Variants in PDZD2 observed in about 807,000 individuals in gnomAD.
PDZD2 encodes the protein PDZ domain containing 2.
Under a neutral mutation model 220.7 loss-of-function variants are expected in PDZD2, and 90 were observed. The ratio of observed to expected loss-of-function variants is 0.41; its 90% CI spans 0.34 to 0.49. The LOEUF is 0.49. Among genes scored for constraint, PDZD2 ranks in the 20% least tolerant of loss-of-function variants. The pLI is 0.28. For synonymous variants in PDZD2, 1,375 were observed against 1,450.5 expected, an observed-to-expected ratio of 0.95 and a Z score of 1.18; for missense variants, 3,174 against 3,608.5, an observed-to-expected ratio of 0.88 and a Z score of 3.08.
intron 2 of PDZD2, among the ~76,000 whole-genome samples, chr5:31,911,894 G>T (rs559283064): frequency 6.6e-6 from 1 of 152,292 alleles, no homozygotes; most frequent in East Asian, 1.9e-4. Context: ...CTGCATCCAG[G>T]TTATACTGGG....
chr5:32,088,093 T>A lies in PDZD2; in HGVS notation c.4645T>A (p.Ser1549Thr), dbSNP rs1028882305. Reference protein sequence around the residue: ...GLGDSTEPSLSSMYGDAEDSS... With the variant: ...GLGDSTEPSLTSMYGDAEDSS... The stretch of plus-strand genomic sequence containing the variant: ...GGGTGACAGCACGGAGCCGTCTCTG[T>A]CATCCATGTATGGCGATGCTGAGGA... The change falls in exon 20 of 25, where the codon TCA (serine) becomes ACA (threonine). Residue 1549 changes from serine to threonine, a missense_variant. Ser to Thr is a moderately conservative substitution (Grantham distance 58). Coordinates refer to ENST00000438447, the MANE Select transcript of PDZD2 (RefSeq NM_178140.4). This position sits in a 1 kb window ranked among gnomAD's most constrained non-coding sequence, Gnocchi z 4.6. 1 of 1,614,178 alleles carries A rather than the reference T, an allele frequency of 6.2e-7. No homozygotes were observed. The highest frequency in any genetic ancestry group is 1.3e-5 in the African/African-American group (1 of 75,058).
chr5:31,666,378 C>T (rs951460288), intron 1 of PDZD2, among the ~76,000 whole-genome samples: 11 of 152,204 alleles, frequency 7.2e-5, no homozygotes, highest in African/African-American at 2.7e-4. Flanking sequence ...GCATATTTCT[C>T]CTGCAGCCGA....
chr5:32,001,893 C>G (rs1158491411), intron 5 of PDZD2, among the ~76,000 whole-genome samples: 1 of 152,184 alleles, frequency 6.6e-6, no homozygotes, highest in East Asian at 1.9e-4. Flanking sequence ...GACCGAGGAA[C>G]TGGTGAAGTG....
chr5:32,004,848 T>C (rs944278792), intron 5 of PDZD2, among the ~76,000 whole-genome samples: 1 of 152,232 alleles, frequency 6.6e-6, no homozygotes, highest in Non-Finnish European at 1.5e-5. Flanking sequence ...CTGAGTAGCA[T>C]TCCAGAACCA....
At position 31,909,354 on chromosome 5, in the gene PDZD2, G is replaced by A. The variant is rs187617141; in HGVS notation, c.477-73801G>A. 8.7e-4 allele frequency among the ~76,000 whole-genome samples: 132 copies of A among 152,176 alleles called. 1 individual carries two copies. Among genetic ancestry groups the A allele is most frequent in the Admixed American group, 4.5e-3 (69 of 15,270 alleles). ...GGAGGCATTGTTTTAAGAAAAGCAC[G>A]TCATGTAGTTTGTCTAAAAATAAAA... is the stretch of plus-strand genomic sequence containing the variant. On this transcript the variant is annotated intron_variant, in intron 2 of 24. Coordinates refer to ENST00000438447, the MANE Select transcript of PDZD2 (RefSeq NM_178140.4).
At chr5:31,797,108 T>C (rs1444640377) in intron 1 of PDZD2, among the ~76,000 whole-genome samples, 2 of 141,562 alleles carry the variant, frequency 1.4e-5, no homozygotes, top group Admixed American at 1.4e-4. Flanking sequence ...TTTTTTTTTT[T>C]TTTTTTTTTT....
At chr5:31,874,248 C>T (rs565479537) in intron 2 of PDZD2, among the ~76,000 whole-genome samples, 1 of 152,286 alleles carries the variant, frequency 6.6e-6, no homozygotes, top group African/African-American at 2.4e-5. Flanking sequence ...ACAGTGACAT[C>T]TAGATTGCTG....
chr5:31,762,606 G>A (rs905289869), intron 1 of PDZD2, among the ~76,000 whole-genome samples: 10 of 152,156 alleles, frequency 6.6e-5, no homozygotes, highest in African/African-American at 1.4e-4. Context: ...CACTTCTTAT[G>A]CTAGCACAGG....
chr5:31,964,279 C>T (rs1476441897), intron 2 of PDZD2, among the ~76,000 whole-genome samples: 1 of 152,220 alleles, frequency 6.6e-6, no homozygotes, highest in Non-Finnish European at 1.5e-5. Flanking sequence ...GGAATCCCAC[C>T]ATCTGAGTCC....
intron 1 of PDZD2, among the ~76,000 whole-genome samples, chr5:31,728,838 C>T (rs186010466): frequency 2.0e-3 from 303 of 152,138 alleles, no homozygotes; most frequent in Non-Finnish European, 3.6e-3. Context: ...ATGCAATGTG[C>T]ATCTTGTTTA....
At chr5:31,952,175 GAC>G (rs775651767) in intron 2 of PDZD2, among the ~76,000 whole-genome samples, 135 of 152,286 alleles carry the variant, frequency 8.9e-4, no homozygotes, top group Non-Finnish European at 1.2e-3. Context: ...TTTAAAGTTG[GAC>G]TTGTTCCACT....
chr5:31,920,415 C>T (rs1444187796), intron 2 of PDZD2, among the ~76,000 whole-genome samples: 3 of 149,846 alleles, frequency 2.0e-5, no homozygotes, highest in African/African-American at 7.4e-5. Context: ...TGGGGTGGTG[C>T]ATTTGTTAAA....
At chr5:31,880,796 T>TCC (rs57282817) in intron 2 of PDZD2, among the ~76,000 whole-genome samples, 40 of 99,428 alleles carry the variant, frequency 4.0e-4, no homozygotes, top group African/African-American at 1.8e-3. Context: ...TTTTTCTTTT[T>TCC]TTTTTTTTTT....
intron 1 of PDZD2, among the ~76,000 whole-genome samples, chr5:31,647,825 A>C (rs1745189560): frequency 6.6e-6 from 1 of 152,166 alleles, no homozygotes; most frequent in Non-Finnish European, 1.5e-5. Flanking sequence ...CCCTTTTGTG[A>C]TGGAAAAATG....
At chr5:31,985,753 G>T (rs987443830) in intron 3 of PDZD2, among the ~76,000 whole-genome samples, 1 of 151,882 alleles carries the variant, frequency 6.6e-6, no homozygotes, top group Non-Finnish European at 1.5e-5. Context: ...TTAATTAAAC[G>T]TAATAATACT....
chr5:31,995,520 G>A (rs1027868476), intron 3 of PDZD2, 56 bp from the exon 4 acceptor site: 3 of 1,603,536 alleles, frequency 1.9e-6, no homozygotes, highest in Non-Finnish European at 2.6e-6. Flanking sequence ...GTTCTCCTGT[G>A]TCAATGCCGT....
Position 31,860,024 on chromosome 5 carries a change from G to C in PDZD2, c.476+60300G>C, listed in dbSNP as rs1737539079. Among the ~76,000 whole-genome samples the C allele has an allele frequency of 3.3e-5, 5 of 152,284 alleles. No individual in the cohort carries two copies. In the South Asian group the frequency reaches 1.0e-3, roughly 32 times the overall value. ...ATTGGAGGATTCACACCTGATAGTG[G>C]AAAGTCTTTGTTCTCTGGAGAAACT... is the stretch of plus-strand genomic sequence containing the variant. On this transcript the variant is annotated intron_variant, in intron 2 of 24. Coordinates refer to ENST00000438447, the MANE Select transcript of PDZD2 (RefSeq NM_178140.4).
At chr5:31,971,541 T>G (rs1212461967) in intron 2 of PDZD2, among the ~76,000 whole-genome samples, 2 of 152,202 alleles carry the variant, frequency 1.3e-5, no homozygotes, top group East Asian at 3.9e-4. Context: ...ACATCCCATA[T>G]CCAATCAAAA....
chr5:32,036,483 T>C (rs1755566797), intron 6 of PDZD2, among the ~76,000 whole-genome samples: 2 of 152,208 alleles, frequency 1.3e-5, no homozygotes, highest in Non-Finnish European at 2.9e-5. Flanking sequence ...TTTTCTTCTC[T>C]AGTAAATGGG....
Sources: allele counts gnomAD v4.1 joint callset (sites outside exome capture counted in the v4.1 genomes callset), GRCh38; gene constraint gnomAD v4.1.1; non-coding constraint Gnocchi (gnomAD v3.1); transcripts MANE v1.5; gene names NCBI Gene and HGNC (gene_info 2026-07-23, HGNC 2026-07-21).